Variants in COL4A1 observed in about 807,000 individuals in gnomAD.
COL4A1 encodes collagen alpha-1(IV) chain.
Under a neutral mutation model 216.6 loss-of-function variants are expected in COL4A1, and 40 were observed. The observed-to-expected ratio is 0.18, with a 90% confidence interval of 0.14 to 0.24. The LOEUF (loss-of-function observed/expected upper bound fraction) is 0.24. Ranked by LOEUF, COL4A1 falls within the 10% of genes least tolerant of loss-of-function variation. The pLI, the probability that COL4A1 is intolerant of heterozygous loss-of-function variation, is 1.00. For missense variants in COL4A1, 1,628 were observed against 2,196.8 expected (o/e 0.74, Z 5.18); for synonymous variants, 839 against 810.7 (o/e 1.03, Z -0.59).
chr13:110,285,872 T>C (rs1594116701), intron 1 of COL4A1, among the ~76,000 whole-genome samples: 4 of 152,234 alleles, frequency 2.6e-5, no homozygotes, highest in Admixed American at 2.6e-4. Context: ...AATCCTTATA[T>C]CTCTATAAAC....
chr13:110,154,782 A>AGTCATATGGAGAAGCTGGTCATATG (rs1566334514), intron 50 of COL4A1, among the ~76,000 whole-genome samples: 6 of 152,132 alleles, frequency 3.9e-5, no homozygotes, highest in African/African-American at 7.2e-5. Flanking sequence ...CTGGTCATAT[A>AGTCATATGGAGAAGCTGGTCATATG]GAGAAGCTGC....
rs116482305 is a variant in COL4A1 at position 110,197,016 on chromosome 13, C to T, written c.1285+1451G>A. On this transcript the variant is annotated intron_variant, in intron 21 of 51. Coordinates refer to ENST00000375820, the MANE Select transcript of COL4A1 (RefSeq NM_001845.6). ...CTGGAATAGTAAATATTACAATGTG[C>T]TCAGCTAACACATCCCATTCAATTA... 7.9e-3 allele frequency among the ~76,000 whole-genome samples: 1,209 copies of T among 152,248 alleles called. 15 individuals are homozygous for T. Among genetic ancestry groups the T allele is most frequent in the African/African-American group, 0.028 (1,153 of 41,530 alleles).
rs139991771 is a variant in COL4A1 at position 110,229,410 on chromosome 13, C to T, written c.144+13265G>A. ...TTTTCAACTTTAAATCTGAATGACT[C>T]GAATTTTTTCACATTGAGAAATTTC... On this transcript the variant is annotated intron_variant, in intron 2 of 51. Coordinates refer to ENST00000375820, the MANE Select transcript of COL4A1 (RefSeq NM_001845.6). Among the ~76,000 whole-genome samples the T allele has an allele frequency of 6.1e-3, 933 of 152,254 alleles. 5 individuals are homozygous for T. Among genetic ancestry groups the T allele is most frequent in the Non-Finnish European group, 8.2e-3 (556 of 68,012 alleles).
chr13:110,198,330 A>C (rs1206928005), intron 21 of COL4A1, 137 bp downstream of exon 21: 5 of 873,492 alleles, frequency 5.7e-6, no homozygotes, highest in African/African-American at 1.7e-5. Context: ...CCTTAGAGGA[A>C]TATGGATGAT....
intron 29 of COL4A1, 35 bp downstream of exon 29, chr13:110,181,257 G>T: frequency 6.3e-7 from 1 of 1,591,388 alleles, no homozygotes; most frequent in Non-Finnish European, 8.6e-7. Context: ...CAAGGATGGG[G>T]GAGAAGGGTC....
intron 1 of COL4A1, among the ~76,000 whole-genome samples, chr13:110,301,355 A>T (rs956146052): frequency 6.6e-6 from 1 of 152,238 alleles, no homozygotes; most frequent in African/African-American, 2.4e-5. Context: ...GGATGCTTTA[A>T]AAAGAAGTTA....
intron 2 of COL4A1, among the ~76,000 whole-genome samples, chr13:110,231,704 AGT>A: frequency 6.6e-6 from 1 of 152,188 alleles, no homozygotes; most frequent in African/African-American, 2.4e-5. Context: ...CACTGGGATG[AGT>A]GGACATTGGT....
At chr13:110,185,409 G>A (rs944981896) in intron 26 of COL4A1, among the ~76,000 whole-genome samples, 1 of 152,194 alleles carries the variant, frequency 6.6e-6, no homozygotes, top group African/African-American at 2.4e-5. Context: ...CTCCCAAAGT[G>A]CTGGGATTAC....
intron 49 of COL4A1, among the ~76,000 whole-genome samples, chr13:110,159,502 AG>A (rs1876967473): frequency 6.6e-6 from 1 of 152,224 alleles, no homozygotes; most frequent in Non-Finnish European, 1.5e-5. Flanking sequence ...GCGCTGTGGC[AG>A]GAATGTAAAG....
In COL4A1 at chr13:110,268,389, T is replaced by C. The variant is rs770988021; in HGVS notation, c.85-25655A>G. On this transcript the variant is annotated intron_variant, in intron 1 of 51. Coordinates refer to ENST00000375820, the MANE Select transcript of COL4A1 (RefSeq NM_001845.6). This position sits in a 1 kb window ranked among gnomAD's most constrained non-coding sequence, Gnocchi z 4.1. ...GGGAGGGGAGGGAAAGGGAGGTGAGTATGCAGAAGCCGGCATGGCCAGCTC... is the reference window on the plus strand; with the variant it reads ...GGGAGGGGAGGGAAAGGGAGGTGAGCATGCAGAAGCCGGCATGGCCAGCTC... Among the ~76,000 whole-genome samples the C allele has an allele frequency of 2.7e-4, 41 of 151,928 alleles. 1 individual carries two copies. The Middle Eastern group carries it at 0.01, about 38-fold the overall frequency.
At chr13:110,150,786 C>T (rs921335511) in intron 51 of COL4A1, among the ~76,000 whole-genome samples, 2 of 152,194 alleles carry the variant, frequency 1.3e-5, no homozygotes, top group East Asian at 3.8e-4. Flanking sequence ...TACAATTTCA[C>T]TTTTTTTCCA....
chr13:110,166,328 C>A, intron 44 of COL4A1, 25 bp from the exon 45 acceptor site: 3 of 1,460,546 alleles, frequency 2.1e-6, no homozygotes, highest in Non-Finnish European at 2.9e-6. Flanking sequence ...AAAGCACTGT[C>A]TTGCACAGAA....
chr13:110,307,047 C>T lies in COL4A1; in HGVS notation c.-20G>A. 1.4e-6 allele frequency: 2 copies of T among 1,450,366 alleles called. No homozygotes were observed. The highest frequency in any genetic ancestry group is 1.3e-5 in the South Asian group (1 of 74,090). The allele number at this position is 1,450,366 out of a possible 1,614,324, so 89.8% of individuals were successfully genotyped here. ...CCCCATGGTGGCGCGCCCGAGGCGG[C>T]GAGGGACGGCTGCCCGGCGTGCGGG... On this transcript the variant is annotated 5_prime_UTR_variant, in exon 1 of 52. Transcript: ENST00000375820. The surrounding 1 kb of genome is among the most constrained non-coding windows in gnomAD (Gnocchi z 5.0).
At chr13:110,191,482 T>C (rs1398704904) in intron 24 of COL4A1, 8 of 458,722 alleles carry the variant, frequency 1.7e-5, no homozygotes, top group Admixed American at 4.1e-5. Flanking sequence ...GAAGTCATTA[T>C]ATGCAAGAAA....
At chr13:110,244,738 C>T (rs562781859) in intron 1 of COL4A1, among the ~76,000 whole-genome samples, 1 of 152,288 alleles carries the variant, frequency 6.6e-6, no homozygotes, top group South Asian at 2.1e-4. Context: ...ACCCTGAGTG[C>T]TTTGGAGGCA....
chr13:110,271,347 A>C (rs1883237852), intron 1 of COL4A1, among the ~76,000 whole-genome samples: 1 of 152,224 alleles, frequency 6.6e-6, no homozygotes. Flanking sequence ...GATACATATT[A>C]GGAGCCAAAG....
chr13:110,195,305 A>G (rs948127285), intron 21 of COL4A1, among the ~76,000 whole-genome samples, 187 bp from the exon 22 acceptor site: 7 of 152,086 alleles, frequency 4.6e-5, no homozygotes, highest in Admixed American at 2.6e-4. Flanking sequence ...CACACCACCC[A>G]CCACCCACTC....
At chr13:110,209,506 T>C in intron 10 of COL4A1, 79 bp from the exon 11 acceptor site, 1 of 1,009,152 alleles carries the variant, frequency 9.9e-7, no homozygotes, top group African/African-American at 1.6e-5. Flanking sequence ...TGACGTTATC[T>C]TAAGATTCTC....
At position 110,152,352 on chromosome 13, in the gene COL4A1, T is replaced by A; in HGVS notation, c.4910A>T (p.Glu1637Val). 6.2e-7 allele frequency: 1 copy of A among 1,614,136 alleles called. No homozygotes were observed. Among genetic ancestry groups the A allele is most frequent in the Non-Finnish European group, 8.5e-7 (1 of 1,180,030 alleles). The stretch of plus-strand genomic sequence containing the variant: ...CACTTACTTGAACATCTCGCTCCTC[T>A]CTATGGTGGCGAGCCAAAAGCTGTA... ...NAYSFWLATI[E>V]RSEMFKKPTP... The change falls in exon 51 of 52, where the codon GAG becomes GTG. Residue 1637 changes from glutamate to valine, a missense_variant. Physicochemically the swap from Glu to Val is moderately radical, Grantham distance 121. Around this residue, in one of 8 missense-constraint regions of COL4A1, gnomAD observed 254 missense variants for 300.1 expected, o/e 0.85. Coordinates refer to ENST00000375820, the MANE Select transcript of COL4A1 (RefSeq NM_001845.6).
Sources: gnomAD v4.1 joint callset for allele counts (sites outside exome capture counted in the v4.1 genomes callset) on GRCh38, gnomAD v4.1.1 for gene constraint, gnomAD v4.1.1 regional missense constraint, Gnocchi (gnomAD v3.1) non-coding constraint, MANE v1.5 for transcripts, NCBI Gene and HGNC (gene_info 2026-07-23, HGNC 2026-07-21) for gene names.